Variants in RBFOX3 observed in about 807,000 individuals in gnomAD.
RBFOX3 encodes RNA binding protein fox-1 homolog 3.
In RBFOX3, 17 loss-of-function variants were observed where a neutral mutation model predicts 48.7. The observed-to-expected ratio is 0.35, with a 90% CI of 0.24 to 0.52. RBFOX3 has a LOEUF of 0.52. RBFOX3 is among the 20% of genes least tolerant of loss of function. The probability of loss-of-function intolerance (pLI) is 0.94; values close to 1 mark genes in which losing one functional copy is unlikely to be tolerated. For synonymous variants in RBFOX3, 212 were observed against 209.5 expected (o/e 1.01, Z -0.10); for missense variants, 382 against 497.5 (o/e 0.77, Z 2.21).
chr17:79,248,831 C>T (rs1271414072), intron 3 of RBFOX3, among the ~76,000 whole-genome samples: 1 of 152,216 alleles, frequency 6.6e-6, no homozygotes, highest in Non-Finnish European at 1.5e-5. Flanking sequence ...CAGAGCCACT[C>T]AGCATCCAGC....
At chr17:79,303,851 C>CTCTG (rs1555657051) in intron 3 of RBFOX3, among the ~76,000 whole-genome samples, 1 of 147,780 alleles carries the variant, frequency 6.8e-6, no homozygotes, top group African/African-American at 2.5e-5. Context: ...GCATGTCTGC[C>CTCTG]TGTGTGTGTG....
chr17:79,491,100 A>AGGGGGGGGGGGGGGG (rs2080494072), intron 1 of RBFOX3, among the ~76,000 whole-genome samples: 1 of 3,178 alleles, frequency 3.1e-4, no homozygotes, highest in African/African-American at 1.9e-3. Flanking sequence ...AGGGGAGGGG[A>AGGGGGGGGGGGGGGG]GGGGAGGAGA....
intron 2 of RBFOX3, among the ~76,000 whole-genome samples, chr17:79,331,634 A>T (rs1598290035): frequency 6.6e-6 from 1 of 152,324 alleles, no homozygotes; most frequent in East Asian, 1.9e-4. Flanking sequence ...CTCCCAGAAG[A>T]CGGCACCCCA....
At chr17:79,457,948 G>A (rs884024) in intron 2 of RBFOX3, among the ~76,000 whole-genome samples, 83,752 of 152,156 alleles carry the variant, frequency 0.55, 23,359 homozygotes, top group Middle Eastern at 0.61. Context: ...GGAGCCAGAG[G>A]TCCTTGCATC....
At chr17:79,549,074 A>T (rs2090860790) in intron 1 of RBFOX3, among the ~76,000 whole-genome samples, 1 of 152,230 alleles carries the variant, frequency 6.6e-6, no homozygotes, top group Non-Finnish European at 1.5e-5. Flanking sequence ...GCACTGACCA[A>T]GGTCCCTTGT....
the RBFOX3 span, among the ~76,000 whole-genome samples, chr17:79,620,803 C>T: frequency 6.6e-6 from 1 of 152,188 alleles, no homozygotes; most frequent in African/African-American, 2.4e-5. Flanking sequence ...GAACCTGGCT[C>T]CACCCTCCAC....
intron 4 of RBFOX3, among the ~76,000 whole-genome samples, chr17:79,216,930 C>T (rs1326134228): frequency 6.6e-6 from 1 of 152,120 alleles, no homozygotes; most frequent in Non-Finnish European, 1.5e-5. Flanking sequence ...CCTTTTTACC[C>T]CCGGCCCCTG....
intron 2 of RBFOX3, among the ~76,000 whole-genome samples, chr17:79,341,972 G>T (rs966431500): frequency 6.6e-6 from 1 of 152,262 alleles, no homozygotes; most frequent in Non-Finnish European, 1.5e-5. Flanking sequence ...GGCCCCCAAG[G>T]CTGGGGCAAG....
intron 4 of RBFOX3, among the ~76,000 whole-genome samples, chr17:79,217,878 G>A (rs1389023761): frequency 1.3e-5 from 2 of 152,196 alleles, no homozygotes; most frequent in Non-Finnish European, 2.9e-5. Context: ...ACGGGGCTTA[G>A]GGAGGAGCCG....
In RBFOX3 at chr17:79,594,080, C is replaced by T. The variant is rs990452347; in HGVS notation, c.-320+16746G>A. Among the ~76,000 whole-genome samples, 217 of 152,204 alleles carry T rather than the reference C, an allele frequency of 1.4e-3. 2 individuals carry two copies. The highest frequency in any genetic ancestry group is 4.7e-3 in the African/African-American group (197 of 41,552). The stretch of plus-strand genomic sequence containing the variant: ...CTCTGTCTGACTCATCAGGACAGCG[C>T]GACAGTCCCTCCTGCATTCTCACAA... On this transcript the variant is annotated intron_variant, in intron 1 of 14. Transcript: ENST00000693108.
chr17:79,438,049 C>A (rs1555732217), intron 2 of RBFOX3, among the ~76,000 whole-genome samples: 1 of 152,088 alleles, frequency 6.6e-6, no homozygotes, highest in Non-Finnish European at 1.5e-5. Context: ...CAGGCATGCA[C>A]ACACAGGTAT....
chr17:79,232,841 C>T (rs189055192), intron 4 of RBFOX3, among the ~76,000 whole-genome samples: 2 of 152,320 alleles, frequency 1.3e-5, no homozygotes, highest in Admixed American at 1.3e-4. Flanking sequence ...AGTCAAATGG[C>T]TAAAGTTATG....
chr17:79,293,053 T>C (rs1176968037), intron 3 of RBFOX3, among the ~76,000 whole-genome samples: 1 of 152,172 alleles, frequency 6.6e-6, no homozygotes, highest in Non-Finnish European at 1.5e-5. Flanking sequence ...CTGCTTCTAT[T>C]TTACAGTGCC....
chr17:79,442,914 C>G (rs1200096238), intron 2 of RBFOX3, among the ~76,000 whole-genome samples: 1 of 152,192 alleles, frequency 6.6e-6, no homozygotes, highest in Non-Finnish European at 1.5e-5. Context: ...GTCTGAAGCT[C>G]CCCACAGCCA....
At chr17:79,315,792 T>C (rs998625571) in intron 2 of RBFOX3, among the ~76,000 whole-genome samples, 1 of 152,186 alleles carries the variant, frequency 6.6e-6, no homozygotes, top group Non-Finnish European at 1.5e-5. Flanking sequence ...ATGAGCAAGA[T>C]GCAGGAAATG....
intron 1 of RBFOX3, among the ~76,000 whole-genome samples, chr17:79,493,864 C>CG (rs2081059073): frequency 6.6e-6 from 1 of 152,168 alleles, no homozygotes; most frequent in African/African-American, 2.4e-5. Context: ...GTCACACACC[C>CG]GCCGCGGCAG....
chr17:79,159,344 A>T (rs1314824947), intron 4 of RBFOX3, among the ~76,000 whole-genome samples: 1 of 152,086 alleles, frequency 6.6e-6, no homozygotes, highest in East Asian at 1.9e-4. Flanking sequence ...CCGGAGATGG[A>T]GATGGCTCAG....
intron 2 of RBFOX3, among the ~76,000 whole-genome samples, chr17:79,394,841 G>A (rs1166674747): frequency 6.6e-6 from 1 of 152,214 alleles, no homozygotes; most frequent in African/African-American, 2.4e-5. Flanking sequence ...CTACATGAGT[G>A]ACCCAGTGAG....
At chr17:79,399,157 T>C (rs2062445640) in intron 2 of RBFOX3, among the ~76,000 whole-genome samples, 1 of 152,080 alleles carries the variant, frequency 6.6e-6, no homozygotes, top group Admixed American at 6.5e-5. Context: ...AGAGGGGGCA[T>C]GGCCCTGCTG....
Sources: allele counts gnomAD v4.1 joint callset (sites outside exome capture counted in the v4.1 genomes callset), GRCh38; gene constraint gnomAD v4.1.1; transcripts MANE v1.5; gene names NCBI Gene and HGNC (gene_info 2026-07-23, HGNC 2026-07-21).